Variants in ZNF521 observed in about 807,000 individuals in gnomAD.
The protein encoded by ZNF521 is zinc finger protein 521, also known as LYST-interacting protein 3.
Under a neutral mutation model 105.5 loss-of-function variants are expected in ZNF521, and 14 were observed. The observed-to-expected ratio is 0.13, with a 90% CI of 0.09 to 0.21. ZNF521 has a LOEUF of 0.21. Ranked by LOEUF, ZNF521 falls within the 10% of genes least tolerant of loss-of-function variation. The pLI, the probability that ZNF521 is intolerant of heterozygous loss-of-function variation, is 1.00. For missense variants in ZNF521, 1,233 were observed against 1,629.7 expected, an observed-to-expected ratio of 0.76 and a Z score of 4.19; for synonymous variants, 635 against 606.0, an observed-to-expected ratio of 1.05 and a Z score of -0.70.
intron 2 of ZNF521, among the ~76,000 whole-genome samples, chr18:25,328,646 G>A (rs754425094): frequency 2.6e-5 from 4 of 151,340 alleles, no homozygotes; most frequent in East Asian, 2.0e-4. Flanking sequence ...TCCGCCTCCC[G>A]GGTTCAAGCG....
intron 7 of ZNF521, among the ~76,000 whole-genome samples, chr18:25,065,214 C>T (rs2033024374): frequency 6.6e-6 from 1 of 152,040 alleles, no homozygotes; most frequent in African/African-American, 2.4e-5. Context: ...CAAATAAGTA[C>T]AAGAAGATAC....
At chr18:25,199,238 GA>G (rs934964425) in intron 4 of ZNF521, among the ~76,000 whole-genome samples, 19 of 149,608 alleles carry the variant, frequency 1.3e-4, no homozygotes, top group Non-Finnish European at 2.1e-4. Flanking sequence ...CTATGAGGGG[GA>G]AAAAAAACCC....
At chr18:25,348,382 C>A (rs184909799) in intron 2 of ZNF521, among the ~76,000 whole-genome samples, 397 of 152,278 alleles carry the variant, frequency 2.6e-3, no homozygotes, top group Admixed American at 4.4e-3. Flanking sequence ...ACCCAGAATG[C>A]CCTTCCTCTT....
intron 2 of ZNF521, among the ~76,000 whole-genome samples, chr18:25,344,046 T>G (rs1326375792): frequency 1.3e-5 from 2 of 152,126 alleles, no homozygotes; most frequent in African/African-American, 2.4e-5. Flanking sequence ...TTGATCATTA[T>G]CCCTGCTAAA....
Position 25,312,730 on chromosome 18 carries a change from G to A in ZNF521, c.220+9278C>T, listed in dbSNP as rs2047201271. ...GGAGGCTGAGGCAGGAGAATGGCGT[G>A]AACCCGGGAAGCGGAGCTTGCAGTG... is the stretch of plus-strand genomic sequence containing the variant. On this transcript the variant is annotated intron_variant, in intron 3 of 7. Coordinates refer to ENST00000361524, the MANE Select transcript of ZNF521 (RefSeq NM_015461.3). Among the ~76,000 whole-genome samples the A allele has an allele frequency of 3.0e-5, 2 of 67,134 alleles. 1 individual carries two copies. The highest frequency in any genetic ancestry group is 3.4e-4 in the Admixed American group (2 of 5,856). The allele number at this position is 67,134 out of a possible 152,430, so 44.0% of individuals were successfully genotyped here.
Position 25,091,939 on chromosome 18 carries a change from A to T in ZNF521, c.3790+11T>A. The T allele has an allele frequency of 6.2e-7, 1 of 1,613,014 alleles. No individual in the cohort carries two copies. Among genetic ancestry groups the T allele is most frequent in the Non-Finnish European group, 8.5e-7 (1 of 1,179,474 alleles). ...AGCCTCTCCTGTGTCTTCCTGAAATAATCTTCCCACCTGTAAAGCAGACTG... is the reference window on the plus strand; with the variant it reads ...AGCCTCTCCTGTGTCTTCCTGAAATTATCTTCCCACCTGTAAAGCAGACTG... On this transcript the variant is annotated intron_variant, in intron 6 of 7. Transcript: ENST00000361524.
At chr18:25,197,244 CT>C (rs1451047546) in intron 4 of ZNF521, among the ~76,000 whole-genome samples, 1 of 151,782 alleles carries the variant, frequency 6.6e-6, no homozygotes, top group Non-Finnish European at 1.5e-5. Flanking sequence ...AAGCCATATT[CT>C]TATCTATAAG....
intron 3 of ZNF521, among the ~76,000 whole-genome samples, chr18:25,261,072 G>A (rs376818842): frequency 1.3e-5 from 2 of 152,150 alleles, no homozygotes; most frequent in Non-Finnish European, 2.9e-5. Flanking sequence ...GCTACAGTGA[G>A]GTGGTTAAAG....
At chr18:25,129,943 T>C (rs139374573) in intron 5 of ZNF521, among the ~76,000 whole-genome samples, 2,193 of 152,272 alleles carry the variant, frequency 0.014, 51 homozygotes, top group African/African-American at 0.049. Flanking sequence ...CTTATAAAGC[T>C]AAGCATAATA....
intron 3 of ZNF521, among the ~76,000 whole-genome samples, chr18:25,234,594 A>ATT (rs1296777461): frequency 2.0e-5 from 3 of 152,174 alleles, no homozygotes; most frequent in Non-Finnish European, 4.4e-5. Flanking sequence ...CATATGAGGT[A>ATT]TTATAAGACT....
chr18:25,301,178 G>T (rs1339530806), intron 3 of ZNF521, among the ~76,000 whole-genome samples: 1 of 152,080 alleles, frequency 6.6e-6, no homozygotes, highest in Non-Finnish European at 1.5e-5. Context: ...TCTGGAAAGG[G>T]GTCTCACACA....
intron 4 of ZNF521, among the ~76,000 whole-genome samples, chr18:25,205,815 A>C (rs1305568970): frequency 6.6e-6 from 1 of 152,194 alleles, no homozygotes; most frequent in East Asian, 1.9e-4. Flanking sequence ...ACTTGATATC[A>C]TTTAATAAAA....
At chr18:25,235,352 G>C (rs1349622248) in intron 3 of ZNF521, among the ~76,000 whole-genome samples, 1 of 152,158 alleles carries the variant, frequency 6.6e-6, no homozygotes, top group Non-Finnish European at 1.5e-5. Flanking sequence ...AATCATTAGT[G>C]ATTTTAAATT....
chr18:25,323,342 A>G (rs1913036621), intron 2 of ZNF521, among the ~76,000 whole-genome samples: 1 of 152,184 alleles, frequency 6.6e-6, no homozygotes, highest in Non-Finnish European at 1.5e-5. Flanking sequence ...TACGTAAGGC[A>G]TTATCTGTAG....
In ZNF521 at chr18:25,297,067, CCATACACACA is replaced by C. The variant is rs1415924244; in HGVS notation, c.220+24931_220+24940del. Among the ~76,000 whole-genome samples, 16 of 151,280 alleles carry C rather than the reference CCATACACACA, an allele frequency of 1.1e-4. No individual in the cohort carries two copies. In the East Asian group the frequency reaches 1.2e-3, roughly 11 times the overall value. Reference sequence around the variant, plus strand: ...GCAACCATTTCTTTATACATTTTTCCCATACACACACATACACACACACACATATATATAG... The same window carrying C: ...GCAACCATTTCTTTATACATTTTTCCCATACACACACACACATATATATAG... On this transcript the variant is annotated intron_variant, in intron 3 of 7. Transcript: ENST00000361524.
chr18:25,235,471 C>A (rs1449724340), intron 3 of ZNF521, among the ~76,000 whole-genome samples: 1 of 152,058 alleles, frequency 6.6e-6, no homozygotes, highest in African/African-American at 2.4e-5. Flanking sequence ...TTCATTTCAC[C>A]ACGTTAATGG....
chr18:25,243,710 T>A (rs966808455), intron 3 of ZNF521, among the ~76,000 whole-genome samples: 1 of 152,222 alleles, frequency 6.6e-6, no homozygotes, highest in Non-Finnish European at 1.5e-5. Flanking sequence ...ATTATTCAAC[T>A]GATTAATACT....
At chr18:25,220,393 A>G (rs1030151777) in intron 4 of ZNF521, among the ~76,000 whole-genome samples, 2 of 152,184 alleles carry the variant, frequency 1.3e-5, no homozygotes, top group African/African-American at 4.8e-5. Context: ...AGACAGGAGT[A>G]CCGAGAGGAT....
At chr18:25,307,300 A>G (rs1414094213) in intron 3 of ZNF521, among the ~76,000 whole-genome samples, 1 of 152,210 alleles carries the variant, frequency 6.6e-6, no homozygotes, top group Non-Finnish European at 1.5e-5. Flanking sequence ...AAAATCTTTG[A>G]TGGTTACCCA....
Sources: gnomAD v4.1 joint callset for allele counts (sites outside exome capture counted in the v4.1 genomes callset) on GRCh38, gnomAD v4.1.1 for gene constraint, MANE v1.5 for transcripts, NCBI Gene and HGNC (gene_info 2026-07-23, HGNC 2026-07-21) for gene names.